NRXN3: variants seen among roughly 807,000 people sequenced by gnomAD.
NRXN3 encodes neurexin III.
A neutral mutation model predicts 137.6 loss-of-function variants in NRXN3; 32 were observed. The ratio of observed to expected loss-of-function variants is 0.23; its 90% CI spans 0.18 to 0.31. NRXN3 has a LOEUF of 0.31. NRXN3 is among the 10% of genes least tolerant of loss of function. NRXN3 has a pLI of 1.00. For synonymous variants in NRXN3, 798 were observed against 784.5 expected (o/e 1.02, Z -0.29); for missense variants, 1,574 against 2,062.5 (o/e 0.76, Z 4.59).
intron 8 of NRXN3, 25 bp downstream of exon 8, chr14:78,715,164 G>T: frequency 6.3e-7 from 1 of 1,592,870 alleles, no homozygotes; most frequent in Non-Finnish European, 8.5e-7. Context: ...AGGATGGCAA[G>T]TGAGGGCCTG....
At chr14:79,459,895 T>C (rs1457077994) in intron 15 of NRXN3, among the ~76,000 whole-genome samples, 1 of 152,084 alleles carries the variant, frequency 6.6e-6, no homozygotes, top group Non-Finnish European at 1.5e-5. Context: ...AGCTTTATTT[T>C]TAGGTCAATT....
intron 14 of NRXN3, among the ~76,000 whole-genome samples, chr14:78,981,393 G>C (rs931740488): frequency 2.6e-5 from 4 of 152,174 alleles, no homozygotes; most frequent in African/African-American, 9.6e-5. Context: ...AGGTGAGTGG[G>C]CTGCACAATT....
At chr14:79,006,398 T>A (rs2099553006) in intron 15 of NRXN3, among the ~76,000 whole-genome samples, 1 of 152,174 alleles carries the variant, frequency 6.6e-6, no homozygotes, top group Non-Finnish European at 1.5e-5. Flanking sequence ...CTGGTAATTT[T>A]AGGGTTAGCC....
chr14:79,227,711 T>A (rs2071209668), intron 15 of NRXN3, among the ~76,000 whole-genome samples: 1 of 151,898 alleles, frequency 6.6e-6, no homozygotes, highest in South Asian at 2.1e-4. Context: ...CTTTTTCTTT[T>A]CTTTCTTTTT....
At chr14:79,250,210 A>C (rs2075747249) in intron 15 of NRXN3, among the ~76,000 whole-genome samples, 1 of 152,226 alleles carries the variant, frequency 6.6e-6, no homozygotes, top group Non-Finnish European at 1.5e-5. Flanking sequence ...AGAACTAAGT[A>C]AATGAATAAT....
intron 19 of NRXN3, among the ~76,000 whole-genome samples, chr14:79,716,849 G>A (rs566476204): frequency 6.7e-4 from 102 of 152,038 alleles, no homozygotes; most frequent in Non-Finnish European, 1.4e-3. Flanking sequence ...AAATTCATTC[G>A]TTATCATTGT....
intron 15 of NRXN3, among the ~76,000 whole-genome samples, chr14:79,246,232 C>A (rs1393800157): frequency 6.6e-6 from 1 of 152,180 alleles, no homozygotes. Context: ...CCTTGTTAGG[C>A]TAAAAGCCAT....
intron 15 of NRXN3, among the ~76,000 whole-genome samples, chr14:79,099,685 G>A (rs1284909231): frequency 6.6e-6 from 1 of 152,130 alleles, no homozygotes; most frequent in Non-Finnish European, 1.5e-5. Flanking sequence ...GACATTGACT[G>A]TAATAAAAAG....
intron 4 of NRXN3, among the ~76,000 whole-genome samples, chr14:78,633,382 T>C (rs963328447): frequency 2.0e-5 from 3 of 152,162 alleles, no homozygotes; most frequent in African/African-American, 7.2e-5. Context: ...AAAGATTTTC[T>C]TCTTTATTTA....
chr14:79,542,618 C>A (rs1217544000), intron 16 of NRXN3, among the ~76,000 whole-genome samples: 2 of 152,102 alleles, frequency 1.3e-5, no homozygotes, highest in Non-Finnish European at 2.9e-5. Context: ...GAAGAAAGAC[C>A]CCACAGTCCT....
chr14:78,658,654 G>A (rs973974175), intron 6 of NRXN3, among the ~76,000 whole-genome samples: 2 of 152,206 alleles, frequency 1.3e-5, no homozygotes, highest in African/African-American at 4.8e-5. Flanking sequence ...AATGAGGATA[G>A]TAATCCCTGC....
intron 16 of NRXN3, among the ~76,000 whole-genome samples, chr14:79,524,857 A>G (rs1424981917): frequency 6.6e-6 from 1 of 152,182 alleles, no homozygotes; most frequent in African/African-American, 2.4e-5. Context: ...TAGAAATATG[A>G]TTGGACAAAA....
At chr14:78,974,763 T>C (rs963599335) in intron 14 of NRXN3, among the ~76,000 whole-genome samples, 1 of 152,160 alleles carries the variant, frequency 6.6e-6, no homozygotes, top group Non-Finnish European at 1.5e-5. Flanking sequence ...TTCCTAACAT[T>C]GGGGTGTGGA....
At chr14:79,237,846 A>G (rs2073661695) in intron 15 of NRXN3, among the ~76,000 whole-genome samples, 1 of 152,168 alleles carries the variant, frequency 6.6e-6, no homozygotes, top group African/African-American at 2.4e-5. Flanking sequence ...GATCTTGCAC[A>G]GGTCCATTAA....
At chr14:78,887,122 G>A (rs2099146008) in intron 10 of NRXN3, among the ~76,000 whole-genome samples, 1 of 152,084 alleles carries the variant, frequency 6.6e-6, no homozygotes, top group Non-Finnish European at 1.5e-5. Flanking sequence ...ACTAACAACT[G>A]TGTGCTCGAC....
chr14:79,595,287 T>C (rs2097849081), intron 16 of NRXN3, among the ~76,000 whole-genome samples: 1 of 152,200 alleles, frequency 6.6e-6, no homozygotes, highest in African/African-American at 2.4e-5. Context: ...TAAAAGGGCA[T>C]ATGAAAGATT....
chr14:78,919,288 A>G (rs2099264832), intron 10 of NRXN3, among the ~76,000 whole-genome samples: 1 of 152,188 alleles, frequency 6.6e-6, no homozygotes, highest in South Asian at 2.1e-4. Flanking sequence ...AATTTATAAC[A>G]GTTTAGACCT....
intron 15 of NRXN3, among the ~76,000 whole-genome samples, chr14:79,133,146 A>AT (rs1177930566): frequency 1.7e-4 from 26 of 152,292 alleles, no homozygotes; most frequent in African/African-American, 6.3e-4. Context: ...CTATACTAAC[A>AT]TTTTTTGTTG....
At chr14:78,269,822 A>G (rs992186088) in intron 2 of NRXN3, among the ~76,000 whole-genome samples, 2 of 152,110 alleles carry the variant, frequency 1.3e-5, no homozygotes, top group Non-Finnish European at 1.5e-5. Flanking sequence ...TTCTCCTAGA[A>G]CATTCATCCT....
Sources: gnomAD v4.1 joint callset for allele counts (sites outside exome capture counted in the v4.1 genomes callset) on GRCh38, gnomAD v4.1.1 for gene constraint, MANE v1.5 for transcripts, NCBI Gene and HGNC (gene_info 2026-07-23, HGNC 2026-07-21) for gene names.